Variants in C1orf185 observed in about 807,000 individuals in gnomAD.
C1orf185 encodes uncharacterized protein C1orf185.
In C1orf185, 13 loss-of-function variants were observed where a neutral mutation model predicts 16.1. The ratio of observed to expected loss-of-function variants is 0.81; its 90% confidence interval spans 0.53 to 1.28. C1orf185 has a LOEUF of 1.28. Among genes scored for constraint, C1orf185 ranks in the 50% most tolerant of loss-of-function variants. C1orf185 has a pLI of 0.00. For missense variants in C1orf185, 220 were observed against 225.2 expected (o/e 0.98, Z 0.15); for synonymous variants, 80 against 76.9 (o/e 1.04, Z -0.21).
Position 51,102,262 on chromosome 1 carries a change from G to A in C1orf185, c.16+13G>A. ...GCTTCACCTAAAGGTATGAGAAGCT[G>A]GGTCATGTAGTCTAGCTTTTTGCCT... On this transcript the variant is annotated intron_variant, in intron 1 of 4. Coordinates refer to ENST00000371759, the MANE Select transcript of C1orf185 (RefSeq NM_001136508.2). 4 of 714,720 alleles carry A rather than the reference G, an allele frequency of 5.6e-6. No individual in the cohort carries two copies. The highest frequency in any genetic ancestry group is 2.3e-4 in the Middle Eastern group (1 of 4,364). 44.3% of individuals were successfully genotyped at this position (714,720 alleles called of 1,614,324 possible).
intron 3 of C1orf185, among the ~76,000 whole-genome samples, chr1:51,120,257 A>G (rs1646188323): frequency 6.6e-6 from 1 of 152,224 alleles, no homozygotes. Flanking sequence ...TAGGCCGCAC[A>G]GAACCACTGA....
chr1:51,111,374 C>CTTTTTTTTTTTTTTTTTTTT, intron 1 of C1orf185, among the ~76,000 whole-genome samples: 1 of 133,982 alleles, frequency 7.5e-6, no homozygotes, highest in African/African-American at 3.2e-5. Flanking sequence ...TTCTTTCTTT[C>CTTTTTTTTTTTTTTTTTTTT]TTTTTTTTTT....
downstream of C1orf185, among the ~76,000 whole-genome samples, chr1:51,149,996 G>A (rs890266874): frequency 6.6e-6 from 1 of 152,112 alleles, no homozygotes; most frequent in African/African-American, 2.4e-5. Context: ...TTCAACTGTT[G>A]TTCTTGGCTT....
chr1:51,136,620 C>G (rs893101756), intron 3 of C1orf185, among the ~76,000 whole-genome samples: 4 of 152,120 alleles, frequency 2.6e-5, no homozygotes, highest in Non-Finnish European at 4.4e-5. Context: ...ATGATCTGAT[C>G]TTTGGCAAAC....
At chr1:51,137,689 A>G (rs911569257) in intron 3 of C1orf185, among the ~76,000 whole-genome samples, 5 of 152,196 alleles carry the variant, frequency 3.3e-5, no homozygotes, top group African/African-American at 1.2e-4. Context: ...TGACCCCACA[A>G]TCCCATTACT....
intron 2 of C1orf185, among the ~76,000 whole-genome samples, chr1:51,116,465 C>CA (rs1217699694): frequency 1.3e-5 from 2 of 152,034 alleles, no homozygotes; most frequent in Admixed American, 1.3e-4. Context: ...AGGTGCATGC[C>CA]AACACATCCA....
At chr1:51,137,634 G>T (rs1191151821) in intron 3 of C1orf185, among the ~76,000 whole-genome samples, 1 of 152,202 alleles carries the variant, frequency 6.6e-6, no homozygotes, top group East Asian at 1.9e-4. Context: ...CATTGTGGAA[G>T]ACAGTGTGGC....
chr1:51,106,147 T>C (rs927361974), intron 1 of C1orf185, among the ~76,000 whole-genome samples: 1 of 152,120 alleles, frequency 6.6e-6, no homozygotes, highest in African/African-American at 2.4e-5. Context: ...GATAAAAATA[T>C]AGAAGGTGCT....
chr1:51,147,594 T>C lies in C1orf185; in HGVS notation c.423T>C (p.Asp141=). ...TAAGCTTATCAACATTACCATCTGA[T>C]TCTTATTACAGCCAAAGTATAGAAG... ...VTLSLSTLPS[D]SYYSQSIEAA... The change falls in exon 5 of 5, where the codon GAT becomes GAC. Residue 141 remains aspartate (D), a synonymous_variant. Transcript: ENST00000371759. The C allele has an allele frequency of 6.4e-7, 1 of 1,551,592 alleles. No individual in the cohort carries two copies. Among genetic ancestry groups the C allele is most frequent in the Non-Finnish European group, 8.7e-7 (1 of 1,146,924 alleles).
At chr1:51,109,770 G>A (rs1185322623) in intron 1 of C1orf185, among the ~76,000 whole-genome samples, 4 of 152,212 alleles carry the variant, frequency 2.6e-5, no homozygotes, top group South Asian at 4.1e-4. Flanking sequence ...TTATGCCAAT[G>A]CTATGCTGTT....
chr1:51,145,759 A>G lies in C1orf185; in HGVS notation c.294A>G (p.Lys98=). Residue 98 remains lysine (K), a splice_region_variant and synonymous_variant, in exon 4 of 5, where the codon AAA becomes AAG. Transcript: ENST00000371759. ...EQRKKEAAHI[K]AIKDHSKDEP... is the part of the protein sequence containing the mutation. The stretch of plus-strand genomic sequence containing the variant: ...GAAAAAAGGAAGCAGCACATATAAA[A>G]GGTATTTTTTCTCAATAATTTATTA... 1 of 1,306,380 alleles carries G rather than the reference A, an allele frequency of 7.7e-7. No homozygotes were observed. The highest frequency in any genetic ancestry group is 1.0e-6 in the Non-Finnish European group (1 of 962,928). 80.9% of individuals were successfully genotyped at this position (1,306,380 alleles called of 1,614,324 possible). A position where few individuals can be genotyped will look rare whatever the true frequency, so the allele number is the denominator to read the frequency against.
intron 1 of C1orf185, among the ~76,000 whole-genome samples, chr1:51,108,248 A>G (rs113852135): frequency 1.3e-5 from 2 of 151,748 alleles, no homozygotes; most frequent in African/African-American, 4.8e-5. Context: ...ACATTTTTAC[A>G]TGTTTATTGG....
intron 3 of C1orf185, among the ~76,000 whole-genome samples, chr1:51,133,613 T>A (rs564642430): frequency 2.0e-5 from 3 of 151,336 alleles, no homozygotes; most frequent in South Asian, 4.2e-4. Context: ...AGTGGGAGAG[T>A]TTTACACCCC....
chr1:51,140,412 A>G (rs1646357016), intron 3 of C1orf185, among the ~76,000 whole-genome samples: 1 of 152,226 alleles, frequency 6.6e-6, no homozygotes, highest in Non-Finnish European at 1.5e-5. Context: ...TGCCACTGAA[A>G]TAATACTAGC....
At chr1:51,102,900 G>A (rs572170637) in intron 1 of C1orf185, among the ~76,000 whole-genome samples, 9 of 152,022 alleles carry the variant, frequency 5.9e-5, no homozygotes, top group Admixed American at 1.3e-4. Context: ...GTTCCTATGA[G>A]TATTTATGCA....
intron 3 of C1orf185, among the ~76,000 whole-genome samples, chr1:51,134,898 T>C (rs546092787): frequency 1.6e-4 from 24 of 152,150 alleles, no homozygotes; most frequent in Non-Finnish European, 3.4e-4. Context: ...GATGGACTCA[T>C]AGCTGAACTC....
At chr1:51,143,010 T>C (rs899818993) in intron 3 of C1orf185, among the ~76,000 whole-genome samples, 2 of 152,142 alleles carry the variant, frequency 1.3e-5, no homozygotes, top group African/African-American at 4.8e-5. Flanking sequence ...GGGATCCACC[T>C]GCCTCAGCCT....
intron 1 of C1orf185, chr1:51,107,219 A>G (rs1178799321): frequency 6.6e-6 from 1 of 152,278 alleles, no homozygotes; most frequent in African/African-American, 2.4e-5. Context: ...CCACTCCATA[A>G]AAGGCTGCTC....
intron 2 of C1orf185, among the ~76,000 whole-genome samples, chr1:51,113,632 C>A (rs898495784): frequency 2.6e-5 from 4 of 152,084 alleles, no homozygotes; most frequent in African/African-American, 7.2e-5. Flanking sequence ...TTGCAGTGAG[C>A]CGAGATTGTG....
Sources: allele counts gnomAD v4.1 joint callset (sites outside exome capture counted in the v4.1 genomes callset), GRCh38; gene constraint gnomAD v4.1.1; transcripts MANE v1.5; gene names NCBI Gene and HGNC (gene_info 2026-07-23, HGNC 2026-07-21).